The following USP7 variants were observed in gnomAD, a reference collection of about 807,000 sequenced individuals.
USP7 encodes ubiquitin specific peptidase 7.
In USP7, 9 loss-of-function variants were observed where a neutral mutation model predicts 162.9. The ratio of observed to expected loss-of-function variants is 0.06; its 90% CI spans 0.03 to 0.10. USP7 has a LOEUF of 0.10. Among genes scored for constraint, USP7 ranks in the 10% least tolerant of loss-of-function variants. The probability of loss-of-function intolerance (pLI) is 1.00; values close to 1 mark genes in which losing one functional copy is unlikely to be tolerated. For synonymous variants in USP7, 562 were observed against 475.9 expected (o/e 1.18, Z -2.35); for missense variants, 715 against 1,373.7 (o/e 0.52, Z 7.58).
rs918640970 is a variant in USP7 at position 8,896,892 on chromosome 16, A to G, written c.2819+107T>C. On this transcript the variant is annotated intron_variant, in intron 26 of 30. Transcript: ENST00000344836. The stretch of plus-strand genomic sequence containing the variant: ...GCACACCCCACTGAGTCTGGGAATG[A>G]CGCGCATGGATCCCAGCTGGGTGAT... 4 of 836,498 alleles carry G rather than the reference A, an allele frequency of 4.8e-6. No homozygotes were observed. The African/African-American group carries it at 6.7e-5, about 14-fold the overall frequency. The allele number at this position is 836,498 out of a possible 1,614,324, so 51.8% of individuals were successfully genotyped here. A position where few individuals can be genotyped will look rare whatever the true frequency, so the allele number is the denominator to read the frequency against.
intron 17 of USP7, 73 bp downstream of exon 17, chr16:8,902,308 A>ATT: frequency 6.4e-7 from 1 of 1,572,134 alleles, no homozygotes; most frequent in Non-Finnish European, 8.7e-7. Context: ...AAAGGGAAAC[A>ATT]AGCTGCACTA....
At chr16:8,951,054 G>A (rs1380193030) in intron 1 of USP7, among the ~76,000 whole-genome samples, 1 of 152,186 alleles carries the variant, frequency 6.6e-6, no homozygotes, top group Non-Finnish European at 1.5e-5. Context: ...GCAGCGACAC[G>A]CAGAAAACTA....
Position 8,905,280 on chromosome 16 carries a change from T to C in USP7, c.1480A>G (p.Ile494Val), listed in dbSNP as rs1328043751. 1.5e-5 allele frequency: 25 copies of C among 1,614,206 alleles called. No homozygotes were observed. The highest frequency in any genetic ancestry group is 1.1e-4 in the South Asian group (10 of 91,086). ...TCGTGACCCCCATAATTGTGCTCAA[T>C]TGCTTCCTCTTTAGTACACCTTGAC... ...VVSRCTKEEA[I>V]EHNYGGHDDD... The change falls in exon 14 of 31, where the codon ATT becomes GTT. Residue 494 changes from isoleucine to valine, a missense_variant. This residue lies in a region of USP7 where 197 missense variants were observed against 306.5 expected (regional missense o/e 0.64). Transcript: ENST00000344836.
intron 1 of USP7, among the ~76,000 whole-genome samples, chr16:8,961,266 G>C (rs1899995564): frequency 6.6e-6 from 1 of 152,110 alleles, no homozygotes. Context: ...GACGAGGCGG[G>C]CAGATCACCT....
In USP7 at chr16:8,953,520, C is replaced by CCGGAAGCAGAGGGAAGACACG. The variant is rs1221187814; in HGVS notation, c.79+9686_79+9687insCGTGTCTTCCCTCTGCTTCCG. Among the ~76,000 whole-genome samples, 13 of 127,644 alleles carry CCGGAAGCAGAGGGAAGACACG rather than the reference C, an allele frequency of 1.0e-4. 1 individual carries two copies. The highest frequency in any genetic ancestry group is 2.3e-4 in the South Asian group (1 of 4,316). 83.7% of individuals were successfully genotyped at this position (127,644 alleles called of 152,430 possible). On this transcript the variant is annotated intron_variant, in intron 1 of 30. Transcript: ENST00000344836. ...AAGACACGTGCCCCATGCGGTGCCA[C>CCGGAAGCAGAGGGAAGACACG]TGGAAGCAGAGGGAAGACACGTGCC... is the stretch of plus-strand genomic sequence containing the variant.
intron 1 of USP7, among the ~76,000 whole-genome samples, chr16:8,938,339 CAAA>C (rs55790221): frequency 3.5e-5 from 5 of 141,534 alleles, no homozygotes; most frequent in Non-Finnish European, 4.7e-5. Context: ...ATAACACAGT[CAAA>C]AAAAAAAAAA....
In USP7 at chr16:8,910,976, T is replaced by C; in HGVS notation, c.1079-149A>G. On this transcript the variant is annotated intron_variant, in intron 10 of 30. Transcript: ENST00000344836. ...AACTCTCCCCCTGTAGCCAAGACTG[T>C]AGGTAAATGTGCTGTTAGCACCTTT... The C allele has an allele frequency of 8.9e-6, 6 of 672,982 alleles. No homozygotes were observed. In the East Asian group the frequency reaches 1.1e-4, roughly 12 times the overall value. 41.7% of individuals were successfully genotyped at this position (672,982 alleles called of 1,614,324 possible). A position where few individuals can be genotyped will look rare whatever the true frequency, so the allele number is the denominator to read the frequency against.
chr16:8,919,303 G>C (rs770860921), intron 5 of USP7, among the ~76,000 whole-genome samples, 164 bp from the exon 6 acceptor site: 1 of 151,966 alleles, frequency 6.6e-6, no homozygotes, highest in Non-Finnish European at 1.5e-5. Context: ...GCTTGCTCCA[G>C]TGTGTGAACT....
Position 8,923,337 on chromosome 16 carries a change from G to A in USP7, c.261C>T (p.Ser87=), listed in dbSNP as rs149125025. The part of the protein sequence containing the change: ...RFSRLSESVL[S]PPCFVRNLPW... Reference sequence around the variant, plus strand: ...GCAGATTTCGCACAAAACACGGAGGGCTAAGGACCGACTCACTCAGTCTGC... The same window carrying A: ...GCAGATTTCGCACAAAACACGGAGGACTAAGGACCGACTCACTCAGTCTGC... The change falls in exon 3 of 31, where the codon AGC becomes AGT. Residue 87 remains serine, a synonymous_variant. Transcript: ENST00000344836. 272 of 1,614,216 alleles carry A rather than the reference G, an allele frequency of 1.7e-4. No individual in the cohort carries two copies. Among genetic ancestry groups the A allele is most frequent in the African/African-American group, 1.7e-3 (124 of 75,042 alleles).
chr16:8,908,196 C>A, intron 12 of USP7, 145 bp downstream of exon 12: 1 of 683,946 alleles, frequency 1.5e-6, no homozygotes, highest in South Asian at 1.8e-5. Flanking sequence ...TTTAACACTG[C>A]GGCTCTTGGG....
intron 7 of USP7, 116 bp from the exon 8 acceptor site, chr16:8,916,672 T>C: frequency 5.6e-6 from 6 of 1,067,914 alleles, no homozygotes; most frequent in South Asian, 1.6e-5. Flanking sequence ...TCAAATTCCT[T>C]TTCTGTGAAG....
intron 22 of USP7, 176 bp downstream of exon 22, chr16:8,899,420 CTTTTCTGA>C: frequency 1.2e-6 from 1 of 866,204 alleles, no homozygotes; most frequent in Non-Finnish European, 1.7e-6. Flanking sequence ...TCTACAGGTT[CTTTTCTGA>C]TGGCGATTAT....
intron 1 of USP7, among the ~76,000 whole-genome samples, chr16:8,947,005 T>G (rs1899314837): frequency 6.6e-6 from 1 of 152,196 alleles, no homozygotes; most frequent in Non-Finnish European, 1.5e-5. Flanking sequence ...TGAATTAACC[T>G]TCATTAAGTT....
intron 1 of USP7, among the ~76,000 whole-genome samples, chr16:8,940,942 G>A (rs1011537250): frequency 2.3e-4 from 35 of 152,130 alleles, no homozygotes; most frequent in Admixed American, 1.6e-3. Context: ...GTCATAATAG[G>A]ATACAATAAA....
chr16:8,936,616 C>A, intron 1 of USP7: 1 of 1,557,890 alleles, frequency 6.4e-7, no homozygotes, highest in South Asian at 1.2e-5. Context: ...CCAGCCATCT[C>A]TGCATGGCTC....
chr16:8,924,109 A>G (rs1897858295), intron 2 of USP7, among the ~76,000 whole-genome samples: 1 of 152,224 alleles, frequency 6.6e-6, no homozygotes, highest in African/African-American at 2.4e-5. Flanking sequence ...TTCTGACAAC[A>G]CAGTGCCTCT....
intron 20 of USP7, 90 bp downstream of exon 20, chr16:8,900,900 A>G (rs2141171086): frequency 1.5e-6 from 2 of 1,336,086 alleles, no homozygotes; most frequent in Middle Eastern, 2.6e-4. Flanking sequence ...TAGACCTAAC[A>G]CTGTAACAAA....
chr16:8,902,530 T>TAAA (rs746189006), intron 16 of USP7, 48 bp from the exon 17 acceptor site: 1 of 1,518,742 alleles, frequency 6.6e-7, no homozygotes, highest in Admixed American at 1.8e-5. Context: ...CGCTCATATT[T>TAAA]TAGTCCTCTA....
Position 8,921,313 on chromosome 16 carries a change from C to T in USP7, c.384-18G>A, listed in dbSNP as rs528889913. 2.4e-5 allele frequency: 38 copies of T among 1,609,512 alleles called. No homozygotes were observed. Among genetic ancestry groups the T allele is most frequent in the Non-Finnish European group, 3.1e-5 (37 of 1,177,522 alleles). On this transcript the variant is annotated intron_variant, in intron 3 of 30. Transcript: ENST00000344836. ...ACCATGACCTGTTTAAAAGAATAAT[C>T]TGAGCCTTAGTTGACATTATTTACC...
Sources: gnomAD v4.1 joint callset for allele counts (sites outside exome capture counted in the v4.1 genomes callset) on GRCh38, gnomAD v4.1.1 for gene constraint, gnomAD v4.1.1 regional missense constraint, MANE v1.5 for transcripts, NCBI Gene and HGNC (gene_info 2026-07-23, HGNC 2026-07-21) for gene names.